Variants in C12orf76 observed in about 807,000 individuals in gnomAD.
C12orf76 encodes the protein chromosome 12 open reading frame 76, also known as uncharacterized protein C12orf76.
A neutral mutation model predicts 6.8 loss-of-function variants in C12orf76; 6 were observed. The observed-to-expected ratio is 0.88, with a 90% CI of 0.48 to 1.73. The LOEUF (loss-of-function observed/expected upper bound fraction) is 1.73. Among genes scored for constraint, C12orf76 ranks in the 40% most tolerant of loss-of-function variants. C12orf76 has a pLI of 0.01. For missense variants in C12orf76, 99 were observed against 98.2 expected, an observed-to-expected ratio of 1.01 and a Z score of -0.03; for synonymous variants, 56 against 43.7, an observed-to-expected ratio of 1.28 and a Z score of -1.11.
chr12:110,069,495 C>T (rs749808252), upstream of C12orf76, among the ~76,000 whole-genome samples: 2 of 152,176 alleles, frequency 1.3e-5, no homozygotes, highest in Non-Finnish European at 2.9e-5. Context: ...CTTTTAAACC[C>T]TTAAATTGTC....
Position 110,042,291 on chromosome 12 carries a change from T to C in C12orf76, c.*83A>G. On this transcript the variant is annotated 3_prime_UTR_variant, in exon 2 of 2. Transcript: ENST00000615315. ...CAAAGGTCATTTCCAAGTAGGAAAG[T>C]TTTGGTTCCAACTTCTCCACTGGCC... 1 of 1,118,258 alleles carries C rather than the reference T, an allele frequency of 8.9e-7. No homozygotes were observed. The highest frequency in any genetic ancestry group is 1.3e-5 in the South Asian group (1 of 79,898). The allele number at this position is 1,118,258 out of a possible 1,614,324, so 69.3% of individuals were successfully genotyped here.
upstream of C12orf76, chr12:110,050,657 TA>T: frequency 3.3e-6 from 1 of 307,376 alleles, no homozygotes; most frequent in South Asian, 4.0e-5. Context: ...CTATATGGTC[TA>T]AAAGGGGGAG....
upstream of C12orf76, among the ~76,000 whole-genome samples, chr12:110,051,995 C>T (rs1341312252): frequency 4.1e-5 from 6 of 147,320 alleles, no homozygotes; most frequent in Non-Finnish European, 8.9e-5. Context: ...TAGGTTCATG[C>T]CATTCTCCTG....
At chr12:110,044,550 A>T (rs1055462838) in intron 1 of C12orf76, 1 of 153,352 alleles carries the variant, frequency 6.5e-6, no homozygotes, top group African/African-American at 2.4e-5. Context: ...AAAAAAAGAA[A>T]ACAAAACAAA....
chr12:110,058,869 G>A, intron 3 of C12orf76: 4 of 1,194,160 alleles, frequency 3.3e-6, no homozygotes, highest in Non-Finnish European at 2.3e-6. Context: ...TCCTTACCAT[G>A]TGCCAACCAC....
chr12:110,071,174 C>G (rs1415527212), upstream of C12orf76, among the ~76,000 whole-genome samples: 1 of 152,162 alleles, frequency 6.6e-6, no homozygotes, highest in Non-Finnish European at 1.5e-5. Context: ...AAAACTAACA[C>G]TTAATAAGGG....
intron 2 of C12orf76, among the ~76,000 whole-genome samples, chr12:110,065,138 A>G (rs1283494148): frequency 2.0e-5 from 3 of 151,022 alleles, no homozygotes; most frequent in South Asian, 2.1e-4. Context: ...GTATACATAT[A>G]TGTGTGTGTG....
At chr12:110,067,435 A>C (rs964823400) in intron 1 of C12orf76, 3 of 985,252 alleles carry the variant, frequency 3.0e-6, no homozygotes, top group Middle Eastern at 5.2e-4. Flanking sequence ...AAATCCCTGG[A>C]ATTTCTGGCT....
At chr12:110,070,078 G>C (rs555231403), upstream of C12orf76, among the ~76,000 whole-genome samples, 8 of 149,880 alleles carry the variant, frequency 5.3e-5, no homozygotes, top group East Asian at 1.4e-3. Flanking sequence ...GTGAAACCCT[G>C]TCTCTACCAA....
chr12:110,051,193 A>G (rs775943709), upstream of C12orf76: 13 of 777,106 alleles, frequency 1.7e-5, no homozygotes, highest in African/African-American at 3.4e-5. Context: ...GAAAGCATCA[A>G]TGGGAGGCAT....
chr12:110,069,757 A>C (rs1427172227), upstream of C12orf76, among the ~76,000 whole-genome samples: 1 of 152,208 alleles, frequency 6.6e-6, no homozygotes, highest in Non-Finnish European at 1.5e-5. Context: ...CCCATTTCAC[A>C]CTTACTCCAG....
chr12:110,047,579 G>C (rs1248726651), intron 1 of C12orf76, among the ~76,000 whole-genome samples: 1 of 151,532 alleles, frequency 6.6e-6, no homozygotes, highest in Non-Finnish European at 1.5e-5. Context: ...ACTCGCCCGG[G>C]ATGCTGAGGT....
At position 110,042,345 on chromosome 12, in the gene C12orf76, A is replaced by T; in HGVS notation, c.*29T>A. On this transcript the variant is annotated 3_prime_UTR_variant, in exon 2 of 2. Coordinates refer to ENST00000615315, the MANE Select transcript of C12orf76 (RefSeq NM_001389625.1). ...GTGCAACACAACTTATCCTATTCCC[A>T]AATACTCATTGAAGAACTTGTCTGG... 1.3e-6 allele frequency: 2 copies of T among 1,595,784 alleles called. No individual in the cohort carries two copies. The highest frequency in any genetic ancestry group is 1.7e-6 in the Non-Finnish European group (2 of 1,163,516).
At chr12:110,044,848 C>T (rs1184139145) in intron 1 of C12orf76, among the ~76,000 whole-genome samples, 1 of 152,070 alleles carries the variant, frequency 6.6e-6, no homozygotes, top group Non-Finnish European at 1.5e-5. Flanking sequence ...TGGTGCATGC[C>T]TGTAATCCCA....
At chr12:110,059,303 G>T in intron 2 of C12orf76, 1 of 1,061,584 alleles carries the variant, frequency 9.4e-7, no homozygotes, top group Non-Finnish European at 1.3e-6. Context: ...ATGGGATTGT[G>T]CCATCTGTGA....
At chr12:110,065,948 G>A (rs967990271) in exon 2 of C12orf76, 55 of 1,613,666 alleles carry the variant, frequency 3.4e-5, no homozygotes, top group Admixed American at 1.3e-4. Context: ...TGTATCACGT[G>A]GCTGGATTCT....
chr12:110,070,583 TAAGA>T (rs2137243354), upstream of C12orf76, among the ~76,000 whole-genome samples: 1 of 152,074 alleles, frequency 6.6e-6, no homozygotes, highest in East Asian at 1.9e-4. Context: ...GAGAAAAAAG[TAAGA>T]AAGAAAGAAA....
upstream of C12orf76, among the ~76,000 whole-genome samples, chr12:110,068,259 GAAGAAGAA>G (rs1566080049): frequency 4.4e-3 from 383 of 86,366 alleles, 1 homozygote; most frequent in Non-Finnish European, 5.3e-3. Flanking sequence ...AGAAGAAGAA[GAAGAAGAA>G]GAAGAAGAAG....
intron 2 of C12orf76, among the ~76,000 whole-genome samples, chr12:110,061,590 G>A (rs1474743088): frequency 2.0e-5 from 3 of 150,814 alleles, no homozygotes; most frequent in Non-Finnish European, 4.4e-5. Flanking sequence ...AGGCTGGAGT[G>A]CAGCAGCAAG....
Sources: allele counts gnomAD v4.1 joint callset (sites outside exome capture counted in the v4.1 genomes callset), GRCh38; gene constraint gnomAD v4.1.1; transcripts MANE v1.5; gene names NCBI Gene and HGNC (gene_info 2026-07-23, HGNC 2026-07-21).